The following SDHD variants were observed in gnomAD, a reference collection of about 807,000 sequenced individuals.
SDHD encodes the protein succinate dehydrogenase complex subunit D.
In SDHD, 6 loss-of-function variants were observed where a neutral mutation model predicts 18.7. That is an observed-to-expected ratio of 0.32 (90% CI 0.18 to 0.63). The LOEUF (loss-of-function observed/expected upper bound fraction) is 0.63. Among genes scored for constraint, SDHD ranks in the 30% least tolerant of loss-of-function variants. The pLI, the probability that SDHD is intolerant of heterozygous loss-of-function variation, is 0.79. For missense variants in SDHD, 160 were observed against 192.7 expected (o/e 0.83, Z 1.00); for synonymous variants, 56 against 73.9 (o/e 0.76, Z 1.24).
In SDHD at chr11:112,095,117, T is replaced by C. The variant is rs1457785706; in HGVS notation, c.*147T>C. On this transcript the variant is annotated 3_prime_UTR_variant, in exon 4 of 4. Coordinates refer to ENST00000375549, the MANE Select transcript of SDHD (RefSeq NM_003002.4). ...CTTAATCACAAGATTATTTTCAGAA[T>C]TTAATCTTTGAGGAAAAGGTTTGAG... The C allele has an allele frequency of 5.5e-6, 4 of 724,292 alleles. No individual in the cohort carries two copies. The East Asian group carries it at 1.1e-4, about 19-fold the overall frequency. The allele number at this position is 724,292 out of a possible 1,614,324, so 44.9% of individuals were successfully genotyped here. A position where few individuals can be genotyped will look rare whatever the true frequency, so the allele number is the denominator to read the frequency against.
chr11:112,091,212 C>T (rs1373355139), intron 3 of SDHD: 9 of 456,196 alleles, frequency 2.0e-5, no homozygotes, highest in Non-Finnish European at 2.6e-5. Context: ...CACTGAGTCT[C>T]TTTTAGCCTG....
Position 112,095,042 on chromosome 11 carries a change from A to G in SDHD, c.*72A>G, listed in dbSNP as rs1865817101. On this transcript the variant is annotated 3_prime_UTR_variant, in exon 4 of 4. Coordinates refer to ENST00000375549, the MANE Select transcript of SDHD (RefSeq NM_003002.4). ...TCTGCTTTGTCATGCCATTAAGCTC[A>G]CAATAAGGAAGAAATAACAGATAAG... 8.4e-7 allele frequency: 1 copy of G among 1,189,716 alleles called. No homozygotes were observed. Among genetic ancestry groups the G allele is most frequent in the East Asian group, 2.3e-5 (1 of 42,998 alleles). The allele number at this position is 1,189,716 out of a possible 1,614,324, so 73.7% of individuals were successfully genotyped here.
chr11:112,095,010 C>T lies in SDHD; in HGVS notation c.*40C>T. The T allele has an allele frequency of 1.3e-6, 2 of 1,570,792 alleles. No individual in the cohort carries two copies. The highest frequency in any genetic ancestry group is 1.7e-6 in the Non-Finnish European group (2 of 1,143,036). On this transcript the variant is annotated 3_prime_UTR_variant, in exon 4 of 4. Coordinates refer to ENST00000375549, the MANE Select transcript of SDHD (RefSeq NM_003002.4). ...TACTTTGAAGAATTGATGTATGCCT[C>T]TTTGCCTCTGCTTTGTCATGCCATT...
chr11:112,094,353 G>A (rs1302974568), intron 3 of SDHD, among the ~76,000 whole-genome samples: 2 of 151,882 alleles, frequency 1.3e-5, no homozygotes, highest in African/African-American at 2.4e-5. Context: ...AGCCGAGATC[G>A]TGCCACTGCA....
At chr11:112,091,555 G>T (rs923192703) in intron 3 of SDHD, among the ~76,000 whole-genome samples, 4 of 152,090 alleles carry the variant, frequency 2.6e-5, no homozygotes, top group African/African-American at 7.2e-5. Context: ...CTGCAGACTT[G>T]TTTATCTAAT....
chr11:112,095,223 C>T lies in SDHD; in HGVS notation c.*253C>T, dbSNP rs1238532822. 9 of 511,274 alleles carry T rather than the reference C, an allele frequency of 1.8e-5. No individual in the cohort carries two copies. Among genetic ancestry groups the T allele is most frequent in the Non-Finnish European group, 3.2e-5 (9 of 281,786 alleles). The allele number at this position is 511,274 out of a possible 1,614,324, so 31.7% of individuals were successfully genotyped here. On this transcript the variant is annotated 3_prime_UTR_variant, in exon 4 of 4. Coordinates refer to ENST00000375549, the MANE Select transcript of SDHD (RefSeq NM_003002.4). The stretch of plus-strand genomic sequence containing the variant: ...TTGCCTCCCAGCTTCTTATAAGACT[C>T]ACAGTATAACTAAACATGATATATC...
chr11:112,088,823 T>C, intron 2 of SDHD, 44 bp from the exon 3 acceptor site: 1 of 1,610,804 alleles, frequency 6.2e-7, no homozygotes, highest in Non-Finnish European at 8.5e-7. Flanking sequence ...ATGAAAGATG[T>C]GTGTTTCTCA....
rs770924084 is a variant in SDHD, at chr11:112,086,924, G to A, written c.17G>A (p.Arg6Lys). Reference sequence around the variant, plus strand: ...AGGAACGAGATGGCGGTTCTCTGGAGGCTGAGTGCCGTTTGCGGTGCCCTA... The same window carrying A: ...AGGAACGAGATGGCGGTTCTCTGGAAGCTGAGTGCCGTTTGCGGTGCCCTA... Reference protein sequence around the residue: MAVLWRLSAVCGALGG... With the variant: MAVLWKLSAVCGALGG... Residue 6 changes from arginine (R) to lysine (K), a missense_variant, in exon 1 of 4, where the codon AGG (arginine) becomes AAG (lysine). Coordinates refer to ENST00000375549, the MANE Select transcript of SDHD (RefSeq NM_003002.4). 1 of 1,614,248 alleles carries A rather than the reference G, an allele frequency of 6.2e-7. No homozygotes were observed. Among genetic ancestry groups the A allele is most frequent in the Admixed American group, 1.7e-5 (1 of 60,034 alleles).
chr11:112,093,051 T>TTTTTTA (rs1491175665), intron 3 of SDHD: 2 of 174,890 alleles, frequency 1.1e-5, no homozygotes, highest in Non-Finnish European at 2.4e-5. Context: ...TTTTTTTTTT[T>TTTTTTA]GAGACAGAGT....
intron 1 of SDHD, 106 bp downstream of exon 1, chr11:112,087,065 A>G (rs973261024): frequency 7.8e-7 from 1 of 1,279,802 alleles, no homozygotes; most frequent in Non-Finnish European, 1.1e-6. Flanking sequence ...AGGAGAAGAA[A>G]ATACCGAAAT....
At chr11:112,092,509 C>T (rs1865763631) in intron 3 of SDHD, among the ~76,000 whole-genome samples, 1 of 152,108 alleles carries the variant, frequency 6.6e-6, no homozygotes, top group Non-Finnish European at 1.5e-5. Flanking sequence ...CCAATAAGCA[C>T]ATCAGAAATT....
In SDHD at chr11:112,086,887, C is replaced by T. The variant is rs764936238; in HGVS notation, c.-21C>T. 26 of 1,614,032 alleles carry T rather than the reference C, an allele frequency of 1.6e-5. No individual in the cohort carries two copies. The highest frequency in any genetic ancestry group is 2.2e-5 in the Non-Finnish European group (26 of 1,180,036). On this transcript the variant is annotated 5_prime_UTR_variant, in exon 1 of 4. Transcript: ENST00000375549. ...TAAGTGGTTCCGGGTTGGTGGATGA[C>T]CTTGAGCCCTCAGGAACGAGATGGC...
intron 3 of SDHD, among the ~76,000 whole-genome samples, chr11:112,090,444 A>G (rs1592782135): frequency 6.6e-6 from 1 of 152,020 alleles, no homozygotes; most frequent in South Asian, 2.1e-4. Flanking sequence ...TATAGTTTGT[A>G]TGACTTTCTA....
chr11:112,093,140 T>C lies in SDHD; in HGVS notation c.315-1665T>C. 1.3e-5 allele frequency: 5 copies of C among 390,022 alleles called. No individual in the cohort carries two copies. The highest frequency in any genetic ancestry group is 2.9e-5 in the Admixed American group (1 of 34,742). The allele number at this position is 390,022 out of a possible 1,614,324, so 24.2% of individuals were successfully genotyped here. On this transcript the variant is annotated intron_variant, in intron 3 of 3. Transcript: ENST00000375549. ...ATCTCGGCTCAGCACGATCTCAGCT[T>C]ACTGCAACCTCCGCCTTTCGGGTTC...
intron 1 of SDHD, among the ~76,000 whole-genome samples, chr11:112,087,581 G>C (rs994651658): frequency 2.0e-5 from 3 of 152,196 alleles, no homozygotes; most frequent in Non-Finnish European, 4.4e-5. Flanking sequence ...AATAGGATTT[G>C]GCGATTGAAT....
At chr11:112,089,282 C>T (rs1196370098) in intron 3 of SDHD, among the ~76,000 whole-genome samples, 1 of 152,152 alleles carries the variant, frequency 6.6e-6, no homozygotes, top group Non-Finnish European at 1.5e-5. Flanking sequence ...TGCACTCTTG[C>T]CCCATCTGAA....
chr11:112,094,787 T>G lies in SDHD; in HGVS notation c.315-18T>G, dbSNP rs1260988180. On this transcript the variant is annotated intron_variant, in intron 3 of 3. Coordinates refer to ENST00000375549, the MANE Select transcript of SDHD (RefSeq NM_003002.4). ...CTGTGGTTTTTTATTGATGTTATGA[T>G]TTTTTCTTTTTCTTTAGGGGCCTTG... 1 of 1,608,722 alleles carries G rather than the reference T, an allele frequency of 6.2e-7. No individual in the cohort carries two copies. Among genetic ancestry groups the G allele is most frequent in the Non-Finnish European group, 8.5e-7 (1 of 1,177,880 alleles).
Position 112,087,218 on chromosome 11 carries a change from G to A in SDHD, c.52+259G>A, listed in dbSNP as rs1196951689. ...AGTCCTGATGAGGCTAATCCACATA[G>A]CAGTTCTGTTTTCTCCCCGTTCACT... On this transcript the variant is annotated intron_variant, in intron 1 of 3. Coordinates refer to ENST00000375549, the MANE Select transcript of SDHD (RefSeq NM_003002.4). Among the ~76,000 whole-genome samples the A allele has an allele frequency of 3.9e-5, 6 of 152,288 alleles. No individual in the cohort carries two copies. In the East Asian group the frequency reaches 1.2e-3, roughly 29 times the overall value.
intron 3 of SDHD, chr11:112,093,225 C>G (rs1865780469): frequency 1.6e-5 from 5 of 308,810 alleles, no homozygotes; most frequent in South Asian, 1.1e-4. Context: ...TGCCACCACG[C>G]CTGGCTAATT....
Sources: allele counts gnomAD v4.1 joint callset (sites outside exome capture counted in the v4.1 genomes callset), GRCh38; gene constraint gnomAD v4.1.1; transcripts MANE v1.5; gene names NCBI Gene and HGNC (gene_info 2026-07-23, HGNC 2026-07-21).